SHISA9: variants seen among roughly 807,000 people sequenced by gnomAD.
SHISA9 encodes protein shisa-9.
A neutral mutation model predicts 38.0 loss-of-function variants in SHISA9; 13 were observed. The ratio of observed to expected loss-of-function variants is 0.34; its 90% confidence interval spans 0.22 to 0.54. The LOEUF (loss-of-function observed/expected upper bound fraction) is 0.54, where lower values mean the gene tolerates loss of function less well. Ranked by LOEUF, SHISA9 falls within the 20% of genes least tolerant of loss-of-function variation. SHISA9 has a pLI of 0.91. For missense variants in SHISA9, 538 were observed against 575.8 expected, an observed-to-expected ratio of 0.93 and a Z score of 0.67; for synonymous variants, 275 against 242.0, an observed-to-expected ratio of 1.14 and a Z score of -1.27.
intron 2 of SHISA9, among the ~76,000 whole-genome samples, chr16:12,933,939 G>T (rs2071494164): frequency 6.6e-6 from 1 of 152,044 alleles, no homozygotes; most frequent in African/African-American, 2.4e-5. Flanking sequence ...GGTGATGGGA[G>T]AAAAAATAAC....
At chr16:13,412,941 C>G in the SHISA9 span, among the ~76,000 whole-genome samples, 3 of 151,856 alleles carry the variant, frequency 2.0e-5, no homozygotes, top group South Asian at 2.1e-4. Context: ...ATGTGATATG[C>G]TTTGGAAATG....
At chr16:13,521,188 C>T in the SHISA9 span, among the ~76,000 whole-genome samples, 2 of 152,288 alleles carry the variant, frequency 1.3e-5, no homozygotes, top group Admixed American at 1.3e-4. Context: ...AAATTTCCAG[C>T]ATCTTCCTGA....
intron 2 of SHISA9, among the ~76,000 whole-genome samples, chr16:13,187,328 C>CT (rs372286181): frequency 0.065 from 5,857 of 90,502 alleles, 306 homozygotes; most frequent in East Asian, 0.26. Flanking sequence ...CTTTTCTTTT[C>CT]TTTTTTTTTT....
the SHISA9 span, among the ~76,000 whole-genome samples, chr16:13,374,749 C>G: frequency 3.9e-5 from 6 of 152,186 alleles, no homozygotes; most frequent in Non-Finnish European, 7.3e-5. Flanking sequence ...ACACTGTCTT[C>G]CACAATGGTT....
At chr16:13,263,002 G>A in the SHISA9 span, among the ~76,000 whole-genome samples, 1 of 152,038 alleles carries the variant, frequency 6.6e-6, no homozygotes, top group African/African-American at 2.4e-5. Context: ...TCTCAATCTA[G>A]ACAATAAGAA....
At chr16:13,057,653 A>G (rs1567197521) in intron 2 of SHISA9, among the ~76,000 whole-genome samples, 2 of 152,094 alleles carry the variant, frequency 1.3e-5, no homozygotes, top group Non-Finnish European at 1.5e-5. Context: ...TTTATTTTTA[A>G]TTTAATTTTA....
chr16:13,131,128 G>A (rs896406329), intron 2 of SHISA9, among the ~76,000 whole-genome samples: 1 of 151,938 alleles, frequency 6.6e-6, no homozygotes, highest in South Asian at 2.1e-4. Context: ...TATACCCAAA[G>A]GAATATGTCA....
the SHISA9 span, among the ~76,000 whole-genome samples, chr16:13,534,387 G>C: frequency 1.3e-5 from 2 of 151,964 alleles, no homozygotes. Flanking sequence ...ACCATACCTG[G>C]CTAATTTTTG....
intron 2 of SHISA9, among the ~76,000 whole-genome samples, chr16:13,070,156 A>ATGTGTGTGTGTGTG (rs761815708): frequency 4.1e-5 from 6 of 148,000 alleles, no homozygotes; most frequent in African/African-American, 1.6e-4. Flanking sequence ...GTGTGTGTGC[A>ATGTGTGTGTGTGTG]CGCATGTGTC....
chr16:13,276,310 C>T, the SHISA9 span, among the ~76,000 whole-genome samples: 132 of 141,756 alleles, frequency 9.3e-4, no homozygotes, highest in African/African-American at 3.9e-3. Context: ...TTTATCCACT[C>T]GTTGACTGAC....
intron 2 of SHISA9, among the ~76,000 whole-genome samples, chr16:13,191,422 G>C (rs573202677): frequency 2.6e-5 from 4 of 152,262 alleles, no homozygotes; most frequent in South Asian, 4.2e-4. Flanking sequence ...TGTTGTCTTG[G>C]CTTTCTAAAC....
chr16:13,480,229 G>C, the SHISA9 span, among the ~76,000 whole-genome samples: 1 of 152,036 alleles, frequency 6.6e-6, no homozygotes, highest in Admixed American at 6.6e-5. Context: ...GGCTGTTTAG[G>C]GTTTTTATTC....
chr16:13,047,511 C>T (rs1015479900), intron 2 of SHISA9, among the ~76,000 whole-genome samples: 24 of 152,122 alleles, frequency 1.6e-4, no homozygotes, highest in African/African-American at 5.3e-4. Context: ...GGTTTTGAGC[C>T]AAAGAGCTCT....
the SHISA9 span, among the ~76,000 whole-genome samples, chr16:13,390,675 C>CA: frequency 6.6e-6 from 1 of 152,184 alleles, no homozygotes; most frequent in African/African-American, 2.4e-5. Flanking sequence ...TGGCTTGTAA[C>CA]AAGCATGTTA....
At chr16:13,442,317 T>C in the SHISA9 span, among the ~76,000 whole-genome samples, 3 of 81,614 alleles carry the variant, frequency 3.7e-5, no homozygotes, top group Non-Finnish European at 8.9e-5. Flanking sequence ...AAGGAAACAA[T>C]TTTTTTTTTG....
intron 2 of SHISA9, among the ~76,000 whole-genome samples, chr16:13,180,777 A>G (rs938611363): frequency 6.6e-6 from 1 of 152,192 alleles, no homozygotes; most frequent in Non-Finnish European, 1.5e-5. Context: ...TCCTTATGGA[A>G]TCAGGATTAT....
intron 2 of SHISA9, among the ~76,000 whole-genome samples, chr16:12,973,493 C>T (rs1048742456): frequency 6.6e-6 from 1 of 152,276 alleles, no homozygotes; most frequent in Non-Finnish European, 1.5e-5. Context: ...TGAAACATTT[C>T]GACTTCAGAG....
intron 1 of SHISA9, chr16:12,909,331 C>T (rs1171205521): frequency 2.0e-6 from 2 of 985,238 alleles, no homozygotes; most frequent in Non-Finnish European, 2.4e-6. Flanking sequence ...TCACTCATGC[C>T]CATTGCCCTT....
intron 4 of SHISA9, among the ~76,000 whole-genome samples, chr16:13,229,860 G>T (rs1353410807): frequency 6.6e-6 from 1 of 152,204 alleles, no homozygotes; most frequent in East Asian, 1.9e-4. Context: ...ATGAGTAACA[G>T]TAAACCTGGT....
Sources: gnomAD v4.1 joint callset for allele counts (sites outside exome capture counted in the v4.1 genomes callset) on GRCh38, gnomAD v4.1.1 for gene constraint, MANE v1.5 for transcripts, NCBI Gene and HGNC (gene_info 2026-07-23, HGNC 2026-07-21) for gene names.